Variants in KCNK2 observed in about 807,000 individuals in gnomAD.
KCNK2 encodes the protein potassium two pore domain channel subfamily K member 2, also known as potassium channel subfamily K member 2.
A neutral mutation model predicts 40.5 loss-of-function variants in KCNK2; 21 were observed. The ratio of observed to expected loss-of-function variants is 0.52; its 90% CI spans 0.37 to 0.75. The LOEUF (loss-of-function observed/expected upper bound fraction) is 0.75, where lower values mean the gene tolerates loss of function less well. KCNK2 is among the 30% of genes least tolerant of loss of function. The probability of loss-of-function intolerance (pLI) is 0.00; values close to 1 mark genes in which losing one functional copy is unlikely to be tolerated. For missense variants in KCNK2, 399 were observed against 531.6 expected (o/e 0.75, Z 2.45); for synonymous variants, 191 against 202.2 (o/e 0.94, Z 0.47).
Position 215,235,155 on chromosome 1 carries a change from T to C in KCNK2, c.*10T>C. The C allele has an allele frequency of 1.3e-6, 2 of 1,587,502 alleles. No homozygotes were observed. The highest frequency in any genetic ancestry group is 2.3e-5 in the East Asian group (1 of 44,202). On this transcript the variant is annotated 3_prime_UTR_variant, in exon 7 of 7. Coordinates refer to ENST00000444842, the MANE Select transcript of KCNK2 (RefSeq NM_001017425.3). ...TGAGAACATCAAATAGCCCTCTCTT[T>C]AAATAACCTTAGGCATAGCCATAGG...
chr1:215,062,530 C>A (rs1336837735), intron 1 of KCNK2, among the ~76,000 whole-genome samples: 1 of 150,954 alleles, frequency 6.6e-6, no homozygotes, highest in Non-Finnish European at 1.5e-5. Context: ...GTGGGATGAA[C>A]ATGGAAACAA....
In KCNK2 at chr1:215,107,647, G is replaced by A. The variant is rs114027417; in HGVS notation, c.358-16986G>A. ...TGTTCATTTGCATGTCTTCTTTGGCGTAATGTCTATGCAAGTCCTTAGCCC... is the reference window on the plus strand; with the variant it reads ...TGTTCATTTGCATGTCTTCTTTGGCATAATGTCTATGCAAGTCCTTAGCCC... On this transcript the variant is annotated intron_variant, in intron 2 of 6. Transcript: ENST00000444842. 5.5e-3 allele frequency among the ~76,000 whole-genome samples: 837 copies of A among 151,970 alleles called. 6 individuals are homozygous for A. Among genetic ancestry groups the A allele is most frequent in the African/African-American group, 0.018 (756 of 41,478 alleles).
rs1368622050 is a variant in KCNK2 at position 215,172,159 on chromosome 1, A to G, written c.799A>G (p.Ile267Val). ...IYFVVITLTT[I>V]GFGDYVAGGS... Reference sequence around the variant, plus strand: ...TTTTGTGGTTATCACTCTAACAACTATTGGATTTGGTGACTACGTTGCAGG... The same window carrying G: ...TTTTGTGGTTATCACTCTAACAACTGTTGGATTTGGTGACTACGTTGCAGG... The change falls in exon 5 of 7, where the codon ATT (isoleucine) becomes GTT (valine). Residue 267 changes from isoleucine to valine, a missense_variant. Physicochemically the swap from Ile to Val is conservative, Grantham distance 29. Transcript: ENST00000444842. 1.9e-6 allele frequency: 3 copies of G among 1,613,000 alleles called. No individual in the cohort carries two copies. The highest frequency in any genetic ancestry group is 1.3e-5 in the African/African-American group (1 of 74,940).
At chr1:215,036,177 G>T (rs1423103970) in intron 1 of KCNK2, among the ~76,000 whole-genome samples, 2 of 147,974 alleles carry the variant, frequency 1.4e-5, no homozygotes, top group Admixed American at 6.8e-5. Flanking sequence ...CTTTTACTTT[G>T]AGGTCTGTAA....
intron 1 of KCNK2, among the ~76,000 whole-genome samples, chr1:215,044,347 T>G (rs1475230470): frequency 1.3e-5 from 2 of 152,112 alleles, no homozygotes; most frequent in Non-Finnish European, 2.9e-5. Flanking sequence ...TAATTTTTAT[T>G]TAGCCCAGAC....
At chr1:215,124,934 T>G (rs1661350236) in intron 3 of KCNK2, among the ~76,000 whole-genome samples, 184 bp downstream of exon 3, 1 of 152,212 alleles carries the variant, frequency 6.6e-6, no homozygotes, top group South Asian at 2.1e-4. Flanking sequence ...AATGAATTAG[T>G]TATTTTAGAA....
chr1:215,230,272 C>T (rs1350085991), intron 6 of KCNK2, among the ~76,000 whole-genome samples: 2 of 150,356 alleles, frequency 1.3e-5, no homozygotes, highest in African/African-American at 2.4e-5. Context: ...TATACTATAG[C>T]CTATTGCTCC....
At chr1:215,125,954 G>GT (rs1165173418) in intron 3 of KCNK2, among the ~76,000 whole-genome samples, 1 of 151,748 alleles carries the variant, frequency 6.6e-6, no homozygotes, top group Admixed American at 6.6e-5. Context: ...GAAAATATAT[G>GT]TAAAAAAGGG....
chr1:215,007,025 A>ATGTGTGTG lies in KCNK2; in HGVS notation c.34+1071_34+1072insGTGTGTGT, dbSNP rs1164769909. The stretch of plus-strand genomic sequence containing the variant: ...TATATATATATATATATATATATAT[A>ATGTGTGTG]TATATATATATATGTGTGTGTGTGT... On this transcript the variant is annotated intron_variant, in intron 1 of 6. Coordinates refer to the KCNK2 transcript ENST00000391895. 1.6e-3 allele frequency among the ~76,000 whole-genome samples: 51 copies of ATGTGTGTG among 32,052 alleles called. 2 individuals are homozygous for ATGTGTGTG. Among genetic ancestry groups the ATGTGTGTG allele is most frequent in the Non-Finnish European group, 3.2e-3 (36 of 11,284 alleles). The allele number at this position is 32,052 out of a possible 152,430, so 21.0% of individuals were successfully genotyped here.
chr1:215,219,363 A>G (rs1571744764), intron 6 of KCNK2, among the ~76,000 whole-genome samples: 4 of 152,350 alleles, frequency 2.6e-5, no homozygotes. Context: ...TTTTAGTTTA[A>G]ATAATACATT....
In KCNK2 at chr1:215,169,267, A is replaced by G; in HGVS notation, c.544A>G (p.Ile182Val). Reference protein sequence around the residue: ...IFCIIYALLGIPLFGFLLAGV... With the variant: ...IFCIIYALLGVPLFGFLLAGV... ...CTGTATCATCTATGCCTTACTGGGA[A>G]TTCCCCTCTTTGGTTTTCTCTTGGC... The change falls in exon 4 of 7, where the codon ATT (isoleucine) becomes GTT (valine). Residue 182 changes from isoleucine to valine, a missense_variant. This residue lies in a region of KCNK2 where 279 missense variants were observed against 353.8 expected (regional missense o/e 0.79). Transcript: ENST00000444842. 1 of 1,613,336 alleles carries G rather than the reference A, an allele frequency of 6.2e-7. No individual in the cohort carries two copies. The highest frequency in any genetic ancestry group is 2.2e-5 in the East Asian group (1 of 44,822).
At chr1:215,093,778 T>TATAAA (rs1558087903) in intron 2 of KCNK2, among the ~76,000 whole-genome samples, 25 of 13,556 alleles carry the variant, frequency 1.8e-3, no homozygotes, top group African/African-American at 4.8e-3. Flanking sequence ...TAAAATATAT[T>TATAAA]ATATATTATA....
At chr1:215,011,833 C>T (rs1436792033) in intron 1 of KCNK2, among the ~76,000 whole-genome samples, 1 of 151,132 alleles carries the variant, frequency 6.6e-6, no homozygotes. Flanking sequence ...GTCTTGATCT[C>T]CTGACCTCGT....
At chr1:215,031,928 C>T (rs1328270407) in intron 1 of KCNK2, among the ~76,000 whole-genome samples, 3 of 152,102 alleles carry the variant, frequency 2.0e-5, no homozygotes, top group African/African-American at 7.2e-5. Flanking sequence ...CATTATACTA[C>T]TTCACTGCTA....
At chr1:215,231,454 G>T (rs941284984) in intron 6 of KCNK2, among the ~76,000 whole-genome samples, 6 of 152,070 alleles carry the variant, frequency 3.9e-5, no homozygotes, top group African/African-American at 7.2e-5. Flanking sequence ...CCTGCTATGT[G>T]CTCGGTGTTG....
chr1:215,028,967 C>CT (rs143223591), intron 1 of KCNK2, among the ~76,000 whole-genome samples: 39,810 of 144,138 alleles, frequency 0.28, 6,049 homozygotes, highest in South Asian at 0.56. Flanking sequence ...AAAAAACAGG[C>CT]TTTTTTTTTT....
intron 1 of KCNK2, among the ~76,000 whole-genome samples, chr1:215,033,951 A>T (rs543577254): frequency 1.8e-3 from 281 of 152,190 alleles, no homozygotes; most frequent in Non-Finnish European, 3.1e-3. Flanking sequence ...TGCAAGTTTT[A>T]TCTCTTGGTC....
chr1:215,034,338 T>G (rs1258954417), intron 1 of KCNK2, among the ~76,000 whole-genome samples: 1 of 123,696 alleles, frequency 8.1e-6, no homozygotes, highest in Non-Finnish European at 1.7e-5. Flanking sequence ...TGATGGGCAC[T>G]TATGTTGTTT....
At chr1:215,131,323 AT>A (rs1043477906) in intron 3 of KCNK2, among the ~76,000 whole-genome samples, 1 of 146,688 alleles carries the variant, frequency 6.8e-6, no homozygotes, top group African/African-American at 2.5e-5. Context: ...TAAAATTATA[AT>A]TTTTATAATT....
Sources: gnomAD v4.1 joint callset for allele counts (sites outside exome capture counted in the v4.1 genomes callset) on GRCh38, gnomAD v4.1.1 for gene constraint, gnomAD v4.1.1 regional missense constraint, MANE v1.5 for transcripts, NCBI Gene and HGNC (gene_info 2026-07-23, HGNC 2026-07-21) for gene names.